Variants in PRICKLE2 observed in about 807,000 individuals in gnomAD.
PRICKLE2 encodes prickle-like protein 2.
PRICKLE2 carries 21 observed loss-of-function variants against 81.4 expected under a neutral mutation model. That is an observed-to-expected ratio of 0.26 (90% CI 0.18 to 0.37). PRICKLE2 has a LOEUF of 0.37. Among genes scored for constraint, PRICKLE2 ranks in the 10% least tolerant of loss-of-function variants. The probability of loss-of-function intolerance (pLI) is 1.00; values close to 1 mark genes in which losing one functional copy is unlikely to be tolerated. For missense variants in PRICKLE2, 940 were observed against 1,109.0 expected (o/e 0.85, Z 2.16); for synonymous variants, 456 against 421.5 (o/e 1.08, Z -1.00).
chr3:64,163,443 A>T, intron 2 of PRICKLE2: 1 of 426,268 alleles, frequency 2.3e-6, no homozygotes, highest in South Asian at 2.3e-5. Flanking sequence ...TTCTCGGCAG[A>T]CTCCCCTGAG....
chr3:64,135,735 T>TGC (rs1252066081), intron 7 of PRICKLE2, among the ~76,000 whole-genome samples: 3 of 151,054 alleles, frequency 2.0e-5, no homozygotes, highest in Admixed American at 1.3e-4. Context: ...CACACACACC[T>TGC]GCGTGCACAC....
chr3:64,210,258 A>C (rs2078763432), intron 1 of PRICKLE2, among the ~76,000 whole-genome samples: 1 of 152,176 alleles, frequency 6.6e-6, no homozygotes, highest in Admixed American at 6.5e-5. Context: ...TTGCAGTCTT[A>C]CTGGCTCCTT....
At chr3:64,232,315 C>G (rs1371923053) in intron 2 of PRICKLE2, among the ~76,000 whole-genome samples, 2 of 152,204 alleles carry the variant, frequency 1.3e-5, no homozygotes, top group Non-Finnish European at 2.9e-5. Flanking sequence ...TGTGGCCTGA[C>G]AGCTAATGAA....
At chr3:64,153,494 C>G (rs1365835550) in intron 5 of PRICKLE2, 126 bp from the exon 6 acceptor site, 4 of 842,132 alleles carry the variant, frequency 4.7e-6, no homozygotes, top group African/African-American at 1.7e-5. Context: ...AATAATTAAA[C>G]AAAAATCCAT....
chr3:64,109,917 T>C (rs1320406646), intron 7 of PRICKLE2, among the ~76,000 whole-genome samples: 3 of 152,154 alleles, frequency 2.0e-5, no homozygotes, highest in South Asian at 4.1e-4. Flanking sequence ...TGAGTGTGGA[T>C]TGGAGGTTTC....
intron 7 of PRICKLE2, among the ~76,000 whole-genome samples, chr3:64,127,944 AAG>A (rs1305915471): frequency 6.6e-6 from 1 of 152,070 alleles, no homozygotes; most frequent in Non-Finnish European, 1.5e-5. Flanking sequence ...AACCCTTGAA[AAG>A]AGAGTGGGGC....
chr3:64,215,879 C>A (rs2078864000), intron 1 of PRICKLE2, among the ~76,000 whole-genome samples: 1 of 152,216 alleles, frequency 6.6e-6, no homozygotes, highest in South Asian at 2.1e-4. Flanking sequence ...TACAGAAATA[C>A]TGAAAAACTC....
chr3:64,201,923 T>C (rs1220657552), intron 1 of PRICKLE2, among the ~76,000 whole-genome samples: 1 of 152,222 alleles, frequency 6.6e-6, no homozygotes. Context: ...TATATGGCAC[T>C]AAGTAGGAGT....
chr3:64,109,498 C>T (rs1048846815), intron 7 of PRICKLE2, among the ~76,000 whole-genome samples: 1 of 152,106 alleles, frequency 6.6e-6, no homozygotes, highest in Admixed American at 6.5e-5. Context: ...TCTGGTGCTA[C>T]CAGGATCAGT....
At chr3:64,237,093 C>T (rs1374003879) in intron 2 of PRICKLE2, among the ~76,000 whole-genome samples, 1 of 152,050 alleles carries the variant, frequency 6.6e-6, no homozygotes, top group Non-Finnish European at 1.5e-5. Context: ...AGGATGAGCA[C>T]TTATGGGCAA....
At chr3:64,241,248 C>T (rs571789771) in intron 2 of PRICKLE2, among the ~76,000 whole-genome samples, 13 of 152,342 alleles carry the variant, frequency 8.5e-5, no homozygotes, top group African/African-American at 2.4e-4. Flanking sequence ...CATCTGGATA[C>T]GCTGAGCTCA....
At chr3:64,186,602 T>G (rs1159685757) in intron 2 of PRICKLE2, among the ~76,000 whole-genome samples, 1 of 152,148 alleles carries the variant, frequency 6.6e-6, no homozygotes, top group Non-Finnish European at 1.5e-5. Flanking sequence ...AAAGCTCCAG[T>G]TTTTGATTGG....
intron 2 of PRICKLE2, among the ~76,000 whole-genome samples, chr3:64,252,830 G>A (rs1246139536): frequency 2.0e-5 from 3 of 152,168 alleles, no homozygotes; most frequent in African/African-American, 7.2e-5. Context: ...GGCTTTGTGG[G>A]CCATATAGTC....
At chr3:64,124,635 AG>A in intron 7 of PRICKLE2, among the ~76,000 whole-genome samples, 1 of 152,312 alleles carries the variant, frequency 6.6e-6, no homozygotes, top group South Asian at 2.1e-4. Flanking sequence ...AATAATGCTA[AG>A]TCCACTCTGA....
chr3:64,126,117 G>A (rs529120109), intron 7 of PRICKLE2, among the ~76,000 whole-genome samples: 1 of 152,088 alleles, frequency 6.6e-6, no homozygotes, highest in African/African-American at 2.4e-5. Context: ...CTTGTAATTA[G>A]AGAAAACAGT....
chr3:64,162,384 G>C (rs1164501204), intron 3 of PRICKLE2, among the ~76,000 whole-genome samples: 1 of 151,998 alleles, frequency 6.6e-6, no homozygotes, highest in African/African-American at 2.4e-5. Flanking sequence ...CTCTTTATGA[G>C]CAATCAGATT....
intron 2 of PRICKLE2, among the ~76,000 whole-genome samples, chr3:64,247,696 T>C (rs1395974164): frequency 2.6e-5 from 4 of 152,210 alleles, no homozygotes; most frequent in Admixed American, 1.3e-4. Flanking sequence ...GCTATGACTA[T>C]GACATATGAG....
chr3:64,119,711 T>C (rs1189675117), intron 7 of PRICKLE2, among the ~76,000 whole-genome samples: 1 of 152,218 alleles, frequency 6.6e-6, no homozygotes, highest in Non-Finnish European at 1.5e-5. Context: ...ACCGGGTATA[T>C]ATCCAAAAGA....
chr3:64,189,149 A>G (rs1156634333), intron 2 of PRICKLE2, among the ~76,000 whole-genome samples: 2 of 152,204 alleles, frequency 1.3e-5, no homozygotes, highest in African/African-American at 4.8e-5. Flanking sequence ...CGCTGTCTGT[A>G]CCAGTAACAT....
Sources: allele counts gnomAD v4.1 joint callset (sites outside exome capture counted in the v4.1 genomes callset), GRCh38; gene constraint gnomAD v4.1.1; transcripts MANE v1.5; gene names NCBI Gene and HGNC (gene_info 2026-07-23, HGNC 2026-07-21).